The following GRAMD1B variants were observed in gnomAD, a reference collection of about 807,000 sequenced individuals.
GRAMD1B encodes GRAM domain containing 1B.
GRAMD1B carries 37 observed loss-of-function variants against 99.7 expected under a neutral mutation model. That is an observed-to-expected ratio of 0.37 (90% CI 0.29 to 0.49). GRAMD1B has a LOEUF of 0.49. GRAMD1B is among the 20% of genes least tolerant of loss of function. The pLI is 0.98. For synonymous variants in GRAMD1B, 427 were observed against 387.6 expected (o/e 1.10, Z -1.19); for missense variants, 888 against 1,009.2 (o/e 0.88, Z 1.63).
chr11:123,481,230 G>A (rs1011697810), intron 2 of GRAMD1B, among the ~76,000 whole-genome samples: 1 of 152,216 alleles, frequency 6.6e-6, no homozygotes, highest in Non-Finnish European at 1.5e-5. Flanking sequence ...CGAGGCGGGC[G>A]GATCACTTGA....
chr11:123,582,459 G>A (rs778521212), intron 3 of GRAMD1B, among the ~76,000 whole-genome samples: 1 of 152,224 alleles, frequency 6.6e-6, no homozygotes, highest in Non-Finnish European at 1.5e-5. Flanking sequence ...ATGAGGCTAA[G>A]ATGGGAGGGT....
intron 5 of GRAMD1B, among the ~76,000 whole-genome samples, chr11:123,594,448 G>A (rs1002391950): frequency 2.6e-5 from 4 of 152,224 alleles, no homozygotes; most frequent in African/African-American, 9.6e-5. Context: ...GGGGAGGGAA[G>A]TTAGTTGAAT....
rs774716927 is a variant in GRAMD1B, at chr11:123,603,529, T to G, written c.1154T>G (p.Phe385Cys). 1 of 1,608,856 alleles carries G rather than the reference T, an allele frequency of 6.2e-7. No homozygotes were observed. Among genetic ancestry groups the G allele is most frequent in the Admixed American group, 1.7e-5 (1 of 60,028 alleles). ...GACTACGTGCCCCCTGACGACGACT[T>G]CAACACAATGGGGTGAGTGAGGCCA... ...DEDYVPPDDDFNTMGYCEEIP... is the reference protein window; with the variant it reads ...DEDYVPPDDDCNTMGYCEEIP... Residue 385 changes from phenylalanine (F) to cysteine (C), a missense_variant, in exon 9 of 20, where the codon TTC (phenylalanine) becomes TGC (cysteine). By Grantham distance (205) the Phe-to-Cys change is radical (BLOSUM62 -2). Around this residue, in one of 5 missense-constraint regions of GRAMD1B, gnomAD observed 269 missense variants for 296.6 expected, o/e 0.91. Transcript: ENST00000635736.
At chr11:123,380,766 T>C (rs554680711) in intron 1 of GRAMD1B, among the ~76,000 whole-genome samples, 1 of 152,312 alleles carries the variant, frequency 6.6e-6, no homozygotes, top group African/African-American at 2.4e-5. Flanking sequence ...TCCCCTTTTG[T>C]CCACGTAGTT....
chr11:123,610,128 G>C lies in GRAMD1B; in HGVS notation c.1777-68G>C, dbSNP rs1400187419. 1 of 1,506,464 alleles carries C rather than the reference G, an allele frequency of 6.6e-7. No homozygotes were observed. Among genetic ancestry groups the C allele is most frequent in the African/African-American group, 1.4e-5 (1 of 72,928 alleles). The allele number at this position is 1,506,464 out of a possible 1,614,324, so 93.3% of individuals were successfully genotyped here. A position where few individuals can be genotyped will look rare whatever the true frequency, so the allele number is the denominator to read the frequency against. ...GGGGTGGGGTGGGCTTGGGGAGGCTGGAGAAGGTGCTTTTCCAAGCTTCTT... is the reference window on the plus strand; with the variant it reads ...GGGGTGGGGTGGGCTTGGGGAGGCTCGAGAAGGTGCTTTTCCAAGCTTCTT... On this transcript the variant is annotated intron_variant, in intron 13 of 19. Transcript: ENST00000635736. This position sits in a 1 kb window ranked among gnomAD's most constrained non-coding sequence, Gnocchi z 4.1.
chr11:123,461,792 A>T (rs1950425431), intron 1 of GRAMD1B, among the ~76,000 whole-genome samples: 1 of 151,434 alleles, frequency 6.6e-6, no homozygotes, highest in African/African-American at 2.4e-5. Flanking sequence ...TTTAGTAGAG[A>T]CGGGGGTTTC....
intron 2 of GRAMD1B, among the ~76,000 whole-genome samples, chr11:123,562,763 G>A (rs934719762): frequency 1.3e-5 from 2 of 152,096 alleles, no homozygotes; most frequent in African/African-American, 4.8e-5. Flanking sequence ...TGTCTCATTG[G>A]GGGAAGTGGT....
At chr11:123,415,275 G>T (rs1296842979) in intron 1 of GRAMD1B, among the ~76,000 whole-genome samples, 1 of 151,594 alleles carries the variant, frequency 6.6e-6, no homozygotes, top group East Asian at 1.9e-4. Flanking sequence ...GCTAATTTTT[G>T]TATTTTCAGT....
chr11:123,619,549 C>A, intron 19 of GRAMD1B: 1 of 1,187,218 alleles, frequency 8.4e-7, no homozygotes, highest in Non-Finnish European at 1.1e-6. Flanking sequence ...AACAGAGAAC[C>A]CCCTCAGCCC....
chr11:123,409,165 C>G (rs1318053974), intron 1 of GRAMD1B, among the ~76,000 whole-genome samples: 1 of 152,226 alleles, frequency 6.6e-6, no homozygotes, highest in Non-Finnish European at 1.5e-5. Flanking sequence ...CACATAACTG[C>G]TGTGCCAGTG....
At chr11:123,501,888 C>T (rs1487213569) in intron 2 of GRAMD1B, among the ~76,000 whole-genome samples, 1 of 152,242 alleles carries the variant, frequency 6.6e-6, no homozygotes, top group Non-Finnish European at 1.5e-5. Flanking sequence ...TGTTTGACAA[C>T]ATCTTTCTGA....
In GRAMD1B at chr11:123,412,251, T is replaced by C. The variant is rs540678623; in HGVS notation, c.-176+53452T>C. On this transcript the variant is annotated intron_variant, in intron 1 of 20. Coordinates refer to the GRAMD1B transcript ENST00000638157. ...TTGTTATTTGGTGTTTTGATTGTTG[T>C]CAACTTTTCACTTAAATAAACATTT... Among the ~76,000 whole-genome samples, 12 of 152,384 alleles carry C rather than the reference T, an allele frequency of 7.9e-5. No homozygotes were observed. The East Asian group carries it at 2.3e-3, about 29-fold the overall frequency.
At chr11:123,487,746 C>T (rs1938025534) in intron 2 of GRAMD1B, among the ~76,000 whole-genome samples, 2 of 152,088 alleles carry the variant, frequency 1.3e-5, no homozygotes, top group Admixed American at 6.6e-5. Context: ...CTGGGTTTAG[C>T]TGGGCGCCCG....
At position 123,548,457 on chromosome 11, in the gene GRAMD1B, C is replaced by T. The variant is rs183384422; in HGVS notation, c.453-28910C>T. Among the ~76,000 whole-genome samples, 276 of 151,622 alleles carry T rather than the reference C, an allele frequency of 1.8e-3. 2 individuals carry two copies. The highest frequency in any genetic ancestry group is 2.2e-3 in the Non-Finnish European group (151 of 67,908). ...GCAGAAAGCCAGGCAACAGACAGCA[C>T]TTCCTGGAGTCCATACCTCCATGCC... On this transcript the variant is annotated intron_variant, in intron 2 of 19. Coordinates refer to ENST00000635736, the MANE Select transcript of GRAMD1B (RefSeq NM_001387025.1).
chr11:123,402,501 G>C (rs543962571), intron 1 of GRAMD1B, among the ~76,000 whole-genome samples: 3 of 152,322 alleles, frequency 2.0e-5, no homozygotes, highest in Admixed American at 2.0e-4. Flanking sequence ...TCATTTAATT[G>C]TTACAACAGC....
At chr11:123,503,943 A>C (rs935187757) in intron 2 of GRAMD1B, among the ~76,000 whole-genome samples, 1 of 152,192 alleles carries the variant, frequency 6.6e-6, no homozygotes, top group Non-Finnish European at 1.5e-5. Context: ...AGACAAGAAA[A>C]CTGAAGCTTA....
intron 7 of GRAMD1B, 43 bp downstream of exon 7, chr11:123,596,080 C>A: frequency 9.8e-7 from 1 of 1,020,900 alleles, no homozygotes; most frequent in African/African-American, 1.6e-5. Context: ...CTCCCTTACT[C>A]CTCCTACTCT....
At chr11:123,363,530 G>A (rs1310075676) in intron 1 of GRAMD1B, among the ~76,000 whole-genome samples, 3 of 152,092 alleles carry the variant, frequency 2.0e-5, no homozygotes, top group African/African-American at 7.2e-5. Flanking sequence ...ACTGAATTCT[G>A]GTGGAGCTTA....
intron 2 of GRAMD1B, among the ~76,000 whole-genome samples, chr11:123,489,566 G>A (rs1591689046): frequency 6.6e-6 from 1 of 152,148 alleles, no homozygotes; most frequent in Non-Finnish European, 1.5e-5. Flanking sequence ...GTAAGAAAAG[G>A]ACTAAAAAGA....
Sources: allele counts gnomAD v4.1 joint callset (sites outside exome capture counted in the v4.1 genomes callset), GRCh38; gene constraint gnomAD v4.1.1; regional missense constraint gnomAD v4.1.1; non-coding constraint Gnocchi (gnomAD v3.1); transcripts MANE v1.5; gene names NCBI Gene and HGNC (gene_info 2026-07-23, HGNC 2026-07-21).